Variants in MLLT10 observed in about 807,000 individuals in gnomAD.
The protein encoded by MLLT10 is protein AF-10.
In MLLT10, 30 loss-of-function variants were observed where a neutral mutation model predicts 129.1. The observed-to-expected ratio is 0.23, with a 90% CI of 0.17 to 0.32. The LOEUF (loss-of-function observed/expected upper bound fraction) is 0.32, where lower values mean the gene tolerates loss of function less well. Ranked by LOEUF, MLLT10 falls within the 10% of genes least tolerant of loss-of-function variation. The probability of loss-of-function intolerance (pLI) is 1.00; values close to 1 mark genes in which losing one functional copy is unlikely to be tolerated. For synonymous variants in MLLT10, 490 were observed against 446.4 expected (o/e 1.10, Z -1.23); for missense variants, 1,119 against 1,268.3 (o/e 0.88, Z 1.79).
At position 21,611,947 on chromosome 10, in the gene MLLT10, T is replaced by G. The variant is rs374580661; in HGVS notation, c.406-401T>G. ...ACCCTGTTTCAAACCCTCTTAGATA[T>G]GATTATTTCCTGCAGAGGGGAAAGA... is the stretch of plus-strand genomic sequence containing the variant. On this transcript the variant is annotated intron_variant, in intron 5 of 22. Transcript: ENST00000307729. 2.6e-5 allele frequency among the ~76,000 whole-genome samples: 4 copies of G among 152,156 alleles called. No homozygotes were observed. In the East Asian group the frequency reaches 7.7e-4, roughly 29 times the overall value.
At chr10:21,609,838 A>G (rs894582623) in intron 5 of MLLT10, among the ~76,000 whole-genome samples, 1 of 152,110 alleles carries the variant, frequency 6.6e-6, no homozygotes, top group Non-Finnish European at 1.5e-5. Flanking sequence ...TTGACAAATC[A>G]TAATTGTGTA....
At chr10:21,624,672 C>G (rs188683433) in intron 8 of MLLT10, 4 of 1,436,398 alleles carry the variant, frequency 2.8e-6, no homozygotes, top group Non-Finnish European at 2.9e-6. Context: ...TAGTCACCAC[C>G]TTGCTGAAGC....
rs769315415 is a variant in MLLT10, at chr10:21,534,811, A to G, written c.160+7A>G. 8 of 1,586,230 alleles carry G rather than the reference A, an allele frequency of 5.0e-6. No homozygotes were observed. In the African/African-American group the frequency reaches 9.6e-5, roughly 19 times the overall value. ...AGCGTCGCGGTGCATCAAGGTAAACACCCAACCGCCCGCCGGGGCGCGCCG... is the reference window on the plus strand; with the variant it reads ...AGCGTCGCGGTGCATCAAGGTAAACGCCCAACCGCCCGCCGGGGCGCGCCG... On this transcript the variant is annotated splice_region_variant and intron_variant, in intron 2 of 22. Coordinates refer to ENST00000307729, the MANE Select transcript of MLLT10 (RefSeq NM_001195626.3).
chr10:21,578,087 G>GT (rs2040984759), intron 3 of MLLT10, among the ~76,000 whole-genome samples: 1 of 151,798 alleles, frequency 6.6e-6, no homozygotes, highest in South Asian at 2.1e-4. Context: ...AAGAGTTGGA[G>GT]TTTCACCATG....
At chr10:21,672,705 T>C (rs2051593843) in intron 10 of MLLT10, among the ~76,000 whole-genome samples, 1 of 152,204 alleles carries the variant, frequency 6.6e-6, no homozygotes, top group Non-Finnish European at 1.5e-5. Context: ...CCATGAAAAT[T>C]GGATTGGGAG....
chr10:21,546,443 G>A (rs2036090035), intron 3 of MLLT10, among the ~76,000 whole-genome samples: 1 of 133,938 alleles, frequency 7.5e-6, no homozygotes, highest in Non-Finnish European at 1.6e-5. Flanking sequence ...CTCACTCTGT[G>A]GCCCAGGCTG....
intron 8 of MLLT10, among the ~76,000 whole-genome samples, chr10:21,630,000 A>G (rs935352117): frequency 6.6e-6 from 1 of 152,178 alleles, no homozygotes; most frequent in African/African-American, 2.4e-5. Flanking sequence ...AGATTTGAAG[A>G]CAAAAGGGAG....
intron 5 of MLLT10, among the ~76,000 whole-genome samples, chr10:21,610,980 TTC>T (rs2044559326): frequency 2.9e-5 from 4 of 137,558 alleles, no homozygotes; most frequent in East Asian, 1.9e-4. Context: ...TCTTTCTTTT[TTC>T]TCTTTTTTTT....
chr10:21,620,409 A>G (rs1447886479), intron 8 of MLLT10, among the ~76,000 whole-genome samples: 1 of 152,198 alleles, frequency 6.6e-6, no homozygotes, highest in East Asian at 1.9e-4. Flanking sequence ...TATGAAAACT[A>G]TGCATTTATT....
At chr10:21,556,858 T>C in intron 3 of MLLT10, 1 of 1,551,618 alleles carries the variant, frequency 6.4e-7, no homozygotes, top group Non-Finnish European at 8.7e-7. Context: ...CCTTTCTAGT[T>C]TCCAGGGATA....
chr10:21,536,098 A>T (rs1399262106), intron 2 of MLLT10, among the ~76,000 whole-genome samples: 2 of 152,142 alleles, frequency 1.3e-5, no homozygotes, highest in African/African-American at 4.8e-5. Flanking sequence ...ACACCCTAGC[A>T]CACCGGCTAA....
chr10:21,545,772 T>G (rs1049338971), intron 3 of MLLT10, among the ~76,000 whole-genome samples: 25 of 152,142 alleles, frequency 1.6e-4, no homozygotes, highest in Non-Finnish European at 1.0e-4. Flanking sequence ...GCTCAAGGAA[T>G]CCTCTCACTT....
chr10:21,743,450 T>G lies in MLLT10; in HGVS notation c.*1467T>G, dbSNP rs189631905. 5.2e-6 allele frequency: 1 copy of G among 192,076 alleles called. No individual in the cohort carries two copies. Among genetic ancestry groups the G allele is most frequent in the East Asian group, 8.5e-5 (1 of 11,822 alleles). 11.9% of individuals were successfully genotyped at this position (192,076 alleles called of 1,614,324 possible). A position where few individuals can be genotyped will look rare whatever the true frequency, so the allele number is the denominator to read the frequency against. On this transcript the variant is annotated 3_prime_UTR_variant, in exon 23 of 23. Transcript: ENST00000307729. ...AGGGGAATTTTAAAGTCAAATCTTT[T>G]GTAGATAATTTAAAAAATCAGTGTG... is the stretch of plus-strand genomic sequence containing the variant.
At chr10:21,622,225 A>G (rs1396645798) in intron 8 of MLLT10, among the ~76,000 whole-genome samples, 2 of 137,846 alleles carry the variant, frequency 1.5e-5, no homozygotes, top group East Asian at 2.1e-4. Flanking sequence ...TGGCACCACC[A>G]TAGCTCACTG....
intron 9 of MLLT10, among the ~76,000 whole-genome samples, chr10:21,668,528 AT>A (rs1003982431): frequency 2.6e-5 from 4 of 152,098 alleles, no homozygotes; most frequent in Non-Finnish European, 5.9e-5. Flanking sequence ...GCTAAAATTC[AT>A]TTTTTTCACA....
intron 3 of MLLT10, among the ~76,000 whole-genome samples, chr10:21,577,564 T>C (rs60058036): frequency 0.028 from 4,298 of 151,274 alleles, 202 homozygotes; most frequent in African/African-American, 0.098. Context: ...CTTCACCTCC[T>C]GGGTTCAAGT....
intron 9 of MLLT10, among the ~76,000 whole-genome samples, chr10:21,654,652 T>A (rs1227376844): frequency 6.6e-6 from 1 of 152,174 alleles, no homozygotes; most frequent in Non-Finnish European, 1.5e-5. Context: ...TGAGGCAGAT[T>A]TACACAGCTT....
chr10:21,738,052 G>A (rs965413669), intron 21 of MLLT10, among the ~76,000 whole-genome samples: 1 of 151,938 alleles, frequency 6.6e-6, no homozygotes, highest in Non-Finnish European at 1.5e-5. Flanking sequence ...GGCGGATCAC[G>A]AGGTCAGGAG....
intron 4 of MLLT10, among the ~76,000 whole-genome samples, chr10:21,590,490 T>TACC (rs760641037): frequency 4.0e-5 from 6 of 151,876 alleles, no homozygotes; most frequent in Admixed American, 6.6e-5. Context: ...AGGCAGGCAC[T>TACC]ACCATGCCCA....
Sources: allele counts gnomAD v4.1 joint callset (sites outside exome capture counted in the v4.1 genomes callset), GRCh38; gene constraint gnomAD v4.1.1; transcripts MANE v1.5; gene names NCBI Gene and HGNC (gene_info 2026-07-23, HGNC 2026-07-21).